The following PLEKHF2 variants were observed in gnomAD, a reference collection of about 807,000 sequenced individuals.
The protein encoded by PLEKHF2 is pleckstrin homology and FYVE domain containing 2, also known as pleckstrin homology domain-containing family F member 2.
In PLEKHF2, 4 loss-of-function variants were observed where a neutral mutation model predicts 14.7. The observed-to-expected ratio is 0.27, with a 90% CI of 0.13 to 0.62. PLEKHF2 has a LOEUF of 0.62. Ranked by LOEUF, PLEKHF2 falls within the 20% of genes least tolerant of loss-of-function variation. PLEKHF2 has a pLI of 0.85. For missense variants in PLEKHF2, 201 were observed against 307.7 expected (o/e 0.65, Z 2.60); for synonymous variants, 90 against 103.5 (o/e 0.87, Z 0.79).
In PLEKHF2 at chr8:95,154,448, C is replaced by T. The variant is rs1810592545; in HGVS notation, c.404C>T (p.Ser135Phe). 1.2e-6 allele frequency: 2 copies of T among 1,614,016 alleles called. 1 individual carries two copies. ...AATAAATGTGTTACTGATTTACTCT[C>T]CAAAAGTGGGAAGACACCCAGTAAT... is the stretch of plus-strand genomic sequence containing the variant. ...HINKCVTDLL[S>F]KSGKTPSNEH... is the part of the protein sequence containing the mutation. The change falls in exon 2 of 2, where the codon TCC becomes TTC. Residue 135 changes from serine (S) to phenylalanine (F), a missense_variant. By Grantham distance (155) the Ser-to-Phe change is radical. Coordinates refer to ENST00000315367, the MANE Select transcript of PLEKHF2 (RefSeq NM_024613.4). The surrounding 1 kb of genome is among the most constrained non-coding windows in gnomAD (Gnocchi z 5.6).
intron 1 of PLEKHF2, among the ~76,000 whole-genome samples, chr8:95,143,933 ACGGGGTGCATGTAGC>A (rs1305014878): frequency 2.6e-5 from 4 of 152,206 alleles, no homozygotes; most frequent in Non-Finnish European, 5.9e-5. Flanking sequence ...TCTGCAGCCC[ACGGGGTGCATGTAGC>A]CCAGGACAGC....
At chr8:95,141,896 A>AT (rs1366792244) in intron 1 of PLEKHF2, among the ~76,000 whole-genome samples, 3 of 151,578 alleles carry the variant, frequency 2.0e-5, no homozygotes, top group Middle Eastern at 3.2e-3. Flanking sequence ...TTATTTAGCC[A>AT]TTTTTTTGCC....
At chr8:95,137,261 G>A (rs891483750) in intron 1 of PLEKHF2, among the ~76,000 whole-genome samples, 11 of 152,204 alleles carry the variant, frequency 7.2e-5, no homozygotes, top group African/African-American at 2.4e-4. Flanking sequence ...CCTGGAATAC[G>A]ATAGTAGCTA....
chr8:95,135,375 T>G (rs976525669), intron 1 of PLEKHF2, among the ~76,000 whole-genome samples: 7 of 152,160 alleles, frequency 4.6e-5, no homozygotes, highest in Non-Finnish European at 1.0e-4. Context: ...TGATTGTCAA[T>G]TTCTTTTTCC....
chr8:95,145,770 T>G (rs1185494554), intron 1 of PLEKHF2, among the ~76,000 whole-genome samples: 2 of 152,186 alleles, frequency 1.3e-5, no homozygotes, highest in Non-Finnish European at 2.9e-5. Flanking sequence ...ATTGAGACTC[T>G]TACCAAGAAT....
intron 1 of PLEKHF2, among the ~76,000 whole-genome samples, chr8:95,145,388 A>G (rs1347277056): frequency 1.3e-5 from 2 of 152,170 alleles, no homozygotes; most frequent in African/African-American, 2.4e-5. Context: ...TAGATGGAAT[A>G]AGTAGAGTTT....
At chr8:95,139,492 G>A (rs1288874097) in intron 1 of PLEKHF2, among the ~76,000 whole-genome samples, 2 of 152,148 alleles carry the variant, frequency 1.3e-5, no homozygotes, top group Non-Finnish European at 2.9e-5. Flanking sequence ...GGGTGACAAA[G>A]CAAGACCCTG....
chr8:95,138,206 T>A (rs1810398047), intron 1 of PLEKHF2, among the ~76,000 whole-genome samples: 1 of 152,184 alleles, frequency 6.6e-6, no homozygotes, highest in Non-Finnish European at 1.5e-5. Flanking sequence ...CAAGTTGACT[T>A]ATTTTCTCTG....
chr8:95,141,838 C>T (rs1810444177), intron 1 of PLEKHF2, among the ~76,000 whole-genome samples: 1 of 151,968 alleles, frequency 6.6e-6, no homozygotes, highest in South Asian at 2.1e-4. Flanking sequence ...CTGCACCTTG[C>T]CCAGTGTGAC....
At chr8:95,134,268 C>T (rs1209443416) in intron 1 of PLEKHF2, 4 of 149,208 alleles carry the variant, frequency 2.7e-5, no homozygotes, top group African/African-American at 9.8e-5. Flanking sequence ...TCCCGCCAGC[C>T]CGGGAGCGAG....
At chr8:95,136,791 A>C (rs1315223433) in intron 1 of PLEKHF2, among the ~76,000 whole-genome samples, 3 of 152,254 alleles carry the variant, frequency 2.0e-5, no homozygotes, top group African/African-American at 7.2e-5. Context: ...CTTAATATTT[A>C]AAAGCAATGT....
intron 1 of PLEKHF2, among the ~76,000 whole-genome samples, chr8:95,143,644 G>A (rs1254077309): frequency 6.6e-6 from 1 of 152,156 alleles, no homozygotes; most frequent in Non-Finnish European, 1.5e-5. Context: ...GACATGCCGA[G>A]CTTAGAGGTA....
chr8:95,138,420 A>G (rs1160702409), intron 1 of PLEKHF2, among the ~76,000 whole-genome samples: 1 of 124,946 alleles, frequency 8.0e-6, no homozygotes, highest in East Asian at 2.6e-4. Context: ...TTTCATTTAA[A>G]CAACAGTTGG....
In PLEKHF2 at chr8:95,134,018, C is replaced by G. The variant is rs1810347798; in HGVS notation, c.-27C>G. ...CTTCGCTGTCGCCGCCGCCGCCGCC[C>G]GCGGCCGTCGGGGTAGGTGAAGCCC... On this transcript the variant is annotated 5_prime_UTR_variant, in exon 1 of 2. Transcript: ENST00000315367. The G allele has an allele frequency of 6.6e-6, 1 of 151,190 alleles. No individual in the cohort carries two copies. Among genetic ancestry groups the G allele is most frequent in the African/African-American group, 2.5e-5 (1 of 40,812 alleles). The allele number at this position is 151,190 out of a possible 1,614,324, so 9.4% of individuals were successfully genotyped here.
At chr8:95,152,794 GA>G (rs1388315113) in intron 1 of PLEKHF2, among the ~76,000 whole-genome samples, 1 of 152,136 alleles carries the variant, frequency 6.6e-6, no homozygotes, top group Admixed American at 6.6e-5. Flanking sequence ...TGAAGGCCAA[GA>G]AGGGCTATAG....
chr8:95,144,734 G>A (rs1810476932), intron 1 of PLEKHF2, among the ~76,000 whole-genome samples: 1 of 152,044 alleles, frequency 6.6e-6, no homozygotes, highest in Non-Finnish European at 1.5e-5. Flanking sequence ...GGATGTGGTG[G>A]TGGCCACCTG....
rs543490028 is a variant in PLEKHF2 at position 95,144,435 on chromosome 8, G to T, written c.-14-9596G>T. Among the ~76,000 whole-genome samples, 3 of 152,036 alleles carry T rather than the reference G, an allele frequency of 2.0e-5. No homozygotes were observed. In the South Asian group the frequency reaches 6.2e-4, roughly 32 times the overall value. ...AGAATCATTTTGAGTATATCTTATG[G>T]TTATTACCATAGATATGTAATTTTT... On this transcript the variant is annotated intron_variant, in intron 1 of 1. Transcript: ENST00000315367.
At chr8:95,149,348 G>T (rs1810533927) in intron 1 of PLEKHF2, among the ~76,000 whole-genome samples, 1 of 151,846 alleles carries the variant, frequency 6.6e-6, no homozygotes, top group Admixed American at 6.6e-5. Flanking sequence ...TTCCTTCATT[G>T]TACTTCATCT....
In PLEKHF2 at chr8:95,137,033, A is replaced by G. The variant is rs1474183714; in HGVS notation, c.-15+3003A>G. On this transcript the variant is annotated intron_variant, in intron 1 of 1. Coordinates refer to ENST00000315367, the MANE Select transcript of PLEKHF2 (RefSeq NM_024613.4). ...TGAGAAGAGAATAAAAGGCATTCAA[A>G]TAGTTGCTGTGAATGCACTGGAAAG... is the stretch of plus-strand genomic sequence containing the variant. 3.9e-5 allele frequency among the ~76,000 whole-genome samples: 6 copies of G among 152,368 alleles called. No homozygotes were observed. The East Asian group carries it at 1.2e-3, about 29-fold the overall frequency.
Sources: gnomAD v4.1 joint callset for allele counts (sites outside exome capture counted in the v4.1 genomes callset) on GRCh38, gnomAD v4.1.1 for gene constraint, Gnocchi (gnomAD v3.1) non-coding constraint, MANE v1.5 for transcripts, NCBI Gene and HGNC (gene_info 2026-07-23, HGNC 2026-07-21) for gene names.